The following CTNNA3 variants were observed in gnomAD, a reference collection of about 807,000 sequenced individuals.
The protein encoded by CTNNA3 is catenin alpha 3, also known as catenin alpha-3.
In CTNNA3, 76 loss-of-function variants were observed where a neutral mutation model predicts 95.7. The ratio of observed to expected loss-of-function variants is 0.79; its 90% CI spans 0.66 to 0.96. The LOEUF is 0.96. Among genes scored for constraint, CTNNA3 ranks in the 40% least tolerant of loss-of-function variants. CTNNA3 has a pLI of 0.00. For synonymous variants in CTNNA3, 431 were observed against 374.4 expected (o/e 1.15, Z -1.74); for missense variants, 1,191 against 1,089.8 (o/e 1.09, Z -1.31).
intron 9 of CTNNA3, among the ~76,000 whole-genome samples, chr10:66,685,323 G>GTATATATA (rs1564617422): frequency 1.4e-3 from 49 of 34,868 alleles, no homozygotes; most frequent in African/African-American, 4.9e-3. Context: ...GTGTGTATGT[G>GTATATATA]TGTATATATA....
At chr10:67,082,482 G>T (rs1857102133) in intron 7 of CTNNA3, among the ~76,000 whole-genome samples, 1 of 152,074 alleles carries the variant, frequency 6.6e-6, no homozygotes, top group Non-Finnish European at 1.5e-5. Context: ...TTTGCAAAGG[G>T]CTATACTTAA....
At chr10:67,272,126 C>T (rs1292309352) in intron 5 of CTNNA3, among the ~76,000 whole-genome samples, 1 of 152,158 alleles carries the variant, frequency 6.6e-6, no homozygotes, top group African/African-American at 2.4e-5. Flanking sequence ...CTGAACTGAG[C>T]TAACTTTAAA....
At chr10:67,160,565 G>C (rs1861495276) in intron 7 of CTNNA3, among the ~76,000 whole-genome samples, 1 of 150,926 alleles carries the variant, frequency 6.6e-6, no homozygotes, top group South Asian at 2.1e-4. Flanking sequence ...AGCCTCCCTA[G>C]AGCTGGGACC....
At chr10:66,143,260 T>G (rs1197914433) in intron 13 of CTNNA3, among the ~76,000 whole-genome samples, 1 of 152,102 alleles carries the variant, frequency 6.6e-6, no homozygotes, top group Non-Finnish European at 1.5e-5. Flanking sequence ...TTTTAAAGCT[T>G]GATATTATGA....
chr10:66,101,551 G>GT (rs1338316886), intron 14 of CTNNA3, among the ~76,000 whole-genome samples: 1 of 151,990 alleles, frequency 6.6e-6, no homozygotes, highest in Non-Finnish European at 1.5e-5. Context: ...CCCATATTAT[G>GT]TTTTACCATA....
intron 14 of CTNNA3, among the ~76,000 whole-genome samples, chr10:66,088,329 C>G (rs2133680189): frequency 6.6e-6 from 1 of 151,548 alleles, no homozygotes; most frequent in Non-Finnish European, 1.5e-5. Flanking sequence ...CTGTTTTGTT[C>G]CTTATTTTTT....
chr10:67,091,724 C>G (rs895459706), intron 7 of CTNNA3, among the ~76,000 whole-genome samples: 1 of 151,828 alleles, frequency 6.6e-6, no homozygotes, highest in East Asian at 1.9e-4. Flanking sequence ...TCATTGATGT[C>G]AAGAAAGTAA....
chr10:66,842,192 C>T (rs1843090388), intron 7 of CTNNA3, among the ~76,000 whole-genome samples: 1 of 152,076 alleles, frequency 6.6e-6, no homozygotes, highest in African/African-American at 2.4e-5. Flanking sequence ...ATCCTCCTGC[C>T]TCAGCCTCCC....
intron 7 of CTNNA3, among the ~76,000 whole-genome samples, chr10:67,169,347 A>C (rs1589817626): frequency 6.6e-6 from 1 of 152,174 alleles, no homozygotes; most frequent in Admixed American, 6.5e-5. Flanking sequence ...AAGCAAAAAA[A>C]AACAAAGCTG....
At chr10:67,667,494 C>T (rs76737758) in intron 1 of CTNNA3, among the ~76,000 whole-genome samples, 208 of 152,248 alleles carry the variant, frequency 1.4e-3, no homozygotes, top group Non-Finnish European at 2.2e-3. Context: ...ATCTCTTTTT[C>T]CTGCTCTCAG....
At chr10:67,397,852 G>T (rs1231565910) in intron 5 of CTNNA3, among the ~76,000 whole-genome samples, 5 of 152,264 alleles carry the variant, frequency 3.3e-5, no homozygotes, top group Admixed American at 1.3e-4. Context: ...GCTTCAGAGG[G>T]TGCAAGCCCC....
chr10:66,704,465 G>C (rs1848054751), intron 9 of CTNNA3, among the ~76,000 whole-genome samples: 1 of 152,156 alleles, frequency 6.6e-6, no homozygotes, highest in African/African-American at 2.4e-5. Flanking sequence ...AGTAATGCAT[G>C]TAGGTCTTGG....
At chr10:66,461,791 A>G (rs2921945) in intron 11 of CTNNA3, among the ~76,000 whole-genome samples, 91,897 of 148,576 alleles carry the variant, frequency 0.62, 30,702 homozygotes, top group East Asian at 0.88. Flanking sequence ...CTACTGCTGA[A>G]GTAATATCCT....
intron 11 of CTNNA3, among the ~76,000 whole-genome samples, chr10:66,394,534 T>C (rs1039156079): frequency 9.9e-6 from 1 of 101,178 alleles, no homozygotes; most frequent in East Asian, 2.4e-4. Flanking sequence ...TAACATCTAA[T>C]AACAAAGCAC....
At chr10:67,575,776 T>G (rs1406166104) in intron 3 of CTNNA3, among the ~76,000 whole-genome samples, 1 of 152,198 alleles carries the variant, frequency 6.6e-6, no homozygotes, top group African/African-American at 2.4e-5. Flanking sequence ...CTGTTAGCTT[T>G]CCTTCTTCAG....
At chr10:67,745,436 A>G (rs929517008) in intron 1 of CTNNA3, among the ~76,000 whole-genome samples, 4 of 146,662 alleles carry the variant, frequency 2.7e-5, no homozygotes, top group Non-Finnish European at 4.5e-5. Context: ...ACATGTTCTC[A>G]CTCATAGTTG....
chr10:66,154,551 C>T (rs1312905130), intron 13 of CTNNA3, among the ~76,000 whole-genome samples: 4 of 151,108 alleles, frequency 2.6e-5, no homozygotes, highest in African/African-American at 9.7e-5. Context: ...TACTTGCAAG[C>T]TACTGTTAAT....
chr10:65,950,268 G>A (rs1488290033), intron 17 of CTNNA3, among the ~76,000 whole-genome samples: 1 of 152,098 alleles, frequency 6.6e-6, no homozygotes. Flanking sequence ...AGACTGAAAT[G>A]ACTACTTTTG....
intron 3 of CTNNA3, among the ~76,000 whole-genome samples, chr10:67,579,956 C>T (rs937897579): frequency 5.9e-5 from 9 of 152,032 alleles, no homozygotes; most frequent in African/African-American, 2.2e-4. Context: ...GGATATTAGC[C>T]CTTTGTCAGA....
Sources: allele counts gnomAD v4.1 joint callset (sites outside exome capture counted in the v4.1 genomes callset), GRCh38; gene constraint gnomAD v4.1.1; transcripts MANE v1.5; gene names NCBI Gene and HGNC (gene_info 2026-07-23, HGNC 2026-07-21).